The following PARG variants were observed in gnomAD, a reference collection of about 807,000 sequenced individuals.
PARG encodes poly(ADP-ribose) glycohydrolase.
PARG carries 35 observed loss-of-function variants against 113.0 expected under a neutral mutation model. The ratio of observed to expected loss-of-function variants is 0.31; its 90% CI spans 0.24 to 0.41. PARG has a LOEUF of 0.41. Among genes scored for constraint, PARG ranks in the 10% least tolerant of loss-of-function variants. PARG has a pLI of 1.00. For missense variants in PARG, 797 were observed against 1,169.4 expected (o/e 0.68, Z 4.64); for synonymous variants, 330 against 409.9 (o/e 0.81, Z 2.36).
chr10:49,819,390 C>A lies in PARG; in HGVS notation c.2881G>T (p.Glu961Ter), dbSNP rs1369795748. The change falls in exon 18 of 18, where the codon GAG becomes TAG. Residue 961 changes from glutamate to a stop codon, truncating the protein, a stop_gained. Coordinates refer to ENST00000616448, the MANE Select transcript of PARG (RefSeq NM_003631.5). LOFTEE classifies it high-confidence loss of function. ...KLYPFIYHAV[E>*]SCAETADHSG... is the part of the protein sequence containing the mutation. ...TGGTCAGCGGTCTCTGCACAGGACT[C>A]GACAGCATGGTATATGAATGGATAA... 1.4e-5 allele frequency: 21 copies of A among 1,551,358 alleles called. No homozygotes were observed. Among genetic ancestry groups the A allele is most frequent in the Middle Eastern group, 1.7e-4 (1 of 6,014 alleles).
At chr10:49,882,546 C>CT (rs1382253899) in intron 8 of PARG, among the ~76,000 whole-genome samples, 2 of 152,148 alleles carry the variant, frequency 1.3e-5, no homozygotes, top group African/African-American at 4.8e-5. Flanking sequence ...GGACAAAAAG[C>CT]TGAGGACTCA....
At chr10:49,842,540 C>G (rs546752632) in intron 14 of PARG, among the ~76,000 whole-genome samples, 87 of 152,288 alleles carry the variant, frequency 5.7e-4, no homozygotes, top group Non-Finnish European at 1.1e-3. Flanking sequence ...TGAAATAATT[C>G]AGTGCAGCAT....
At chr10:49,927,093 G>A (rs553774355) in intron 4 of PARG, among the ~76,000 whole-genome samples, 1 of 152,102 alleles carries the variant, frequency 6.6e-6, no homozygotes, top group South Asian at 2.1e-4. Flanking sequence ...TGGATCACAA[G>A]GTTAAGAGAT....
chr10:49,877,245 C>A (rs543795347), intron 9 of PARG, among the ~76,000 whole-genome samples: 1 of 145,722 alleles, frequency 6.9e-6, no homozygotes, highest in East Asian at 1.9e-4. Flanking sequence ...AGGAACTAAC[C>A]AGCTGAATTC....
intron 6 of PARG, among the ~76,000 whole-genome samples, chr10:49,917,555 A>G (rs1837564690): frequency 6.6e-6 from 1 of 151,484 alleles, no homozygotes; most frequent in Non-Finnish European, 1.5e-5. Context: ...ACGGTGGCTC[A>G]CACCTGTAAT....
At chr10:49,919,696 A>G (rs1460683359) in intron 6 of PARG, among the ~76,000 whole-genome samples, 1 of 152,136 alleles carries the variant, frequency 6.6e-6, no homozygotes, top group East Asian at 1.9e-4. Flanking sequence ...GGTGGCATGC[A>G]CCTGTGGCAC....
At chr10:49,895,006 C>T (rs1481670040) in intron 7 of PARG, among the ~76,000 whole-genome samples, 21 of 152,082 alleles carry the variant, frequency 1.4e-4, no homozygotes, top group Non-Finnish European at 2.4e-4. Context: ...ATCATATAAG[C>T]GTTTTCCCTC....
chr10:49,876,367 AG>A (rs1489893159), intron 9 of PARG, among the ~76,000 whole-genome samples: 1 of 150,764 alleles, frequency 6.6e-6, no homozygotes, highest in Non-Finnish European at 1.5e-5. Context: ...CTGTAGTCCT[AG>A]TTACTTTAGA....
chr10:49,893,297 C>T lies in PARG; in HGVS notation c.1738-8002G>A, dbSNP rs1847902843. Among the ~76,000 whole-genome samples the T allele has an allele frequency of 3.9e-5, 6 of 152,190 alleles. No homozygotes were observed. The South Asian group carries it at 1.2e-3, about 32-fold the overall frequency. ...GGCTAATATCTTATTCTAGTTATAACTGGCATTTCTCCAGTGACAAATAAT... is the reference window on the plus strand; with the variant it reads ...GGCTAATATCTTATTCTAGTTATAATTGGCATTTCTCCAGTGACAAATAAT... On this transcript the variant is annotated intron_variant, in intron 7 of 17. Transcript: ENST00000616448.
chr10:49,923,667 T>A (rs1375361849), intron 4 of PARG, among the ~76,000 whole-genome samples: 5 of 150,492 alleles, frequency 3.3e-5, no homozygotes, highest in African/African-American at 1.2e-4. Flanking sequence ...GGGAAAGGAG[T>A]CACCCAATAG....
At chr10:49,844,451 C>T (rs184889555) in intron 13 of PARG, among the ~76,000 whole-genome samples, 12 of 152,002 alleles carry the variant, frequency 7.9e-5, no homozygotes, top group African/African-American at 1.9e-4. Flanking sequence ...GGTGAAGCTC[C>T]GTCTCTAATA....
chr10:49,931,135 T>A (rs1488632706), intron 4 of PARG, among the ~76,000 whole-genome samples: 2 of 151,618 alleles, frequency 1.3e-5, no homozygotes, highest in African/African-American at 4.9e-5. Context: ...ACATTGGTTT[T>A]TGTCCAGGTT....
At position 49,941,914 on chromosome 10, in the gene PARG, C is replaced by T. The variant is rs1247032230; in HGVS notation, c.-189G>A. 17 of 1,119,900 alleles carry T rather than the reference C, an allele frequency of 1.5e-5. No homozygotes were observed. Among genetic ancestry groups the T allele is most frequent in the Non-Finnish European group, 2.0e-5 (15 of 763,440 alleles). The allele number at this position is 1,119,900 out of a possible 1,614,324, so 69.4% of individuals were successfully genotyped here. On this transcript the variant is annotated 5_prime_UTR_variant, in exon 1 of 18. Coordinates refer to ENST00000616448, the MANE Select transcript of PARG (RefSeq NM_003631.5). ...AGGCCGTAAACACTCGCCTGCCTTC[C>T]CTCTTCCACTGGCACCCCACCTGCC... is the stretch of plus-strand genomic sequence containing the variant.
chr10:49,895,062 G>A (rs1554842395), intron 7 of PARG, among the ~76,000 whole-genome samples: 1 of 152,134 alleles, frequency 6.6e-6, no homozygotes, highest in Non-Finnish European at 1.5e-5. Flanking sequence ...AAGGACACCA[G>A]TCATTGATTT....
intron 15 of PARG, among the ~76,000 whole-genome samples, chr10:49,839,887 C>T (rs1845139101): frequency 6.6e-6 from 1 of 152,172 alleles, no homozygotes. Context: ...CAACCTACTG[C>T]TTACATAAAT....
intron 4 of PARG, among the ~76,000 whole-genome samples, chr10:49,928,885 G>C (rs1404293208): frequency 1.3e-5 from 2 of 152,192 alleles, no homozygotes; most frequent in African/African-American, 4.8e-5. Flanking sequence ...TTAAGTAACT[G>C]TTAATTACAT....
chr10:49,935,899 T>G (rs2132990599), intron 1 of PARG, among the ~76,000 whole-genome samples: 2 of 152,214 alleles, frequency 1.3e-5, no homozygotes, highest in South Asian at 4.1e-4. Flanking sequence ...AAAAATGTGT[T>G]GAAAGACATG....
intron 16 of PARG, among the ~76,000 whole-genome samples, chr10:49,828,567 C>A (rs782345433): frequency 4.0e-4 from 61 of 152,320 alleles, no homozygotes; most frequent in Non-Finnish European, 7.4e-4. Context: ...TCCATCTCCC[C>A]CTAGTCCCTT....
chr10:49,903,284 A>G (rs1848427393), intron 7 of PARG, among the ~76,000 whole-genome samples: 1 of 152,092 alleles, frequency 6.6e-6, no homozygotes, highest in East Asian at 1.9e-4. Context: ...TCTCTGGAAA[A>G]AAAATAAACA....
Sources: gnomAD v4.1 joint callset for allele counts (sites outside exome capture counted in the v4.1 genomes callset) on GRCh38, gnomAD v4.1.1 for gene constraint, MANE v1.5 for transcripts, NCBI Gene and HGNC (gene_info 2026-07-23, HGNC 2026-07-21) for gene names.